Variants in CCDC102B observed in about 807,000 individuals in gnomAD.
The protein encoded by CCDC102B is coiled-coil domain-containing protein 102B.
Under a neutral mutation model 57.4 loss-of-function variants are expected in CCDC102B, and 75 were observed. The ratio of observed to expected loss-of-function variants is 1.31; its 90% CI spans 1.08 to 1.58. The LOEUF is 1.58. Ranked by LOEUF, CCDC102B falls within the 40% of genes most tolerant of loss-of-function variation. CCDC102B has a pLI of 0.00. For synonymous variants in CCDC102B, 206 were observed against 201.9 expected (o/e 1.02, Z -0.17); for missense variants, 636 against 582.6 (o/e 1.09, Z -0.94).
At chr18:69,018,901 A>T (rs1365327317) in intron 7 of CCDC102B, among the ~76,000 whole-genome samples, 1 of 152,050 alleles carries the variant, frequency 6.6e-6, no homozygotes, top group African/African-American at 2.4e-5. Context: ...TTCAGATCTC[A>T]TTTCTAAGTC....
chr18:68,838,876 T>C lies in CCDC102B; in HGVS notation c.777T>C (p.Ala259=). The C allele has an allele frequency of 6.2e-7, 1 of 1,613,934 alleles. No homozygotes were observed. The highest frequency in any genetic ancestry group is 1.1e-5 in the South Asian group (1 of 91,070). ...PLENEVTEIS[A]LQVHLDEFQK... is the part of the protein sequence containing the mutation. ...AAAATGAAGTAACTGAAATTTCAGC[T>C]TTGCAGGTGCATTTGGATGAATTCC... Residue 259 remains alanine (A), a synonymous_variant, in exon 3 of 8, where the codon GCT becomes GCC. Transcript: ENST00000360242.
intron 2 of CCDC102B, among the ~76,000 whole-genome samples, chr18:68,748,551 G>A (rs1455558344): frequency 6.6e-6 from 1 of 152,092 alleles, no homozygotes; most frequent in African/African-American, 2.4e-5. Flanking sequence ...AGTAGGGATA[G>A]CAACCTCCTC....
intron 7 of CCDC102B, among the ~76,000 whole-genome samples, chr18:69,011,712 A>G (rs949894159): frequency 6.6e-6 from 1 of 151,896 alleles, no homozygotes; most frequent in African/African-American, 2.4e-5. Context: ...ACAGTCTTAA[A>G]TGTCACTGAT....
intron 1 of CCDC102B, among the ~76,000 whole-genome samples, chr18:68,817,420 A>G (rs56131292): frequency 0.43 from 65,721 of 152,058 alleles, 15,511 homozygotes; most frequent in East Asian, 0.86. Context: ...AAAATATGCC[A>G]TCATTTTTTG....
chr18:68,733,067 T>C (rs1599382520), intron 2 of CCDC102B, among the ~76,000 whole-genome samples: 1 of 152,222 alleles, frequency 6.6e-6, no homozygotes, highest in East Asian at 1.9e-4. Flanking sequence ...ACTCAGTTAA[T>C]GATCTTTATG....
At chr18:68,841,900 T>A (rs1185368874) in intron 3 of CCDC102B, among the ~76,000 whole-genome samples, 7 of 151,822 alleles carry the variant, frequency 4.6e-5, no homozygotes, top group African/African-American at 1.7e-4. Context: ...CCTGGCTAAT[T>A]TTTTATTTTT....
chr18:68,810,680 G>GTTTTTTTTTTTTTTTTTTTTTTTTTT (rs61714863), intron 1 of CCDC102B, among the ~76,000 whole-genome samples: 3 of 77,042 alleles, frequency 3.9e-5, no homozygotes, highest in African/African-American at 1.0e-4. Flanking sequence ...TCTTTTCTTT[G>GTTTTTTTTTTTTTTTTTTTTTTTTTT]TTTTTTTTTT....
intron 5 of CCDC102B, among the ~76,000 whole-genome samples, chr18:68,879,527 A>T (rs1331340621): frequency 2.0e-5 from 3 of 152,046 alleles, no homozygotes; most frequent in Admixed American, 6.5e-5. Flanking sequence ...AAGGTTCTCC[A>T]CGTCCCCACC....
At chr18:69,025,110 C>T (rs780837858) in intron 7 of CCDC102B, among the ~76,000 whole-genome samples, 5 of 151,928 alleles carry the variant, frequency 3.3e-5, no homozygotes, top group Non-Finnish European at 7.4e-5. Flanking sequence ...GGTAATCTGG[C>T]TTGCAAAGAA....
At chr18:68,892,218 A>G (rs1210629632) in intron 5 of CCDC102B, among the ~76,000 whole-genome samples, 1 of 152,046 alleles carries the variant, frequency 6.6e-6, no homozygotes, top group Non-Finnish European at 1.5e-5. Context: ...ACCCCTTGCA[A>G]TCTAGAGTGC....
intron 7 of CCDC102B, among the ~76,000 whole-genome samples, chr18:69,038,732 T>A (rs1230793374): frequency 6.6e-6 from 1 of 151,940 alleles, no homozygotes; most frequent in Non-Finnish European, 1.5e-5. Flanking sequence ...GATTTACATA[T>A]TCTATATATT....
intron 1 of CCDC102B, among the ~76,000 whole-genome samples, chr18:68,815,609 A>T (rs1181637247): frequency 6.6e-6 from 1 of 152,004 alleles, no homozygotes; most frequent in Admixed American, 6.6e-5. Context: ...AATGGAACAA[A>T]CTGACCAGGA....
chr18:69,056,632 A>C (rs373725421), downstream of CCDC102B, among the ~76,000 whole-genome samples: 1 of 100,566 alleles, frequency 9.9e-6, no homozygotes, highest in Admixed American at 1.2e-4. Context: ...TTAGATAGAT[A>C]GATAATAGAT....
chr18:68,924,534 G>A (rs2041410206), intron 6 of CCDC102B, among the ~76,000 whole-genome samples: 1 of 151,988 alleles, frequency 6.6e-6, no homozygotes, highest in Admixed American at 6.6e-5. Flanking sequence ...CCAGTCTCAG[G>A]CAGTTCTTTA....
At chr18:68,911,474 C>G (rs531859962) in intron 6 of CCDC102B, among the ~76,000 whole-genome samples, 2 of 150,764 alleles carry the variant, frequency 1.3e-5, no homozygotes, top group Non-Finnish European at 2.9e-5. Flanking sequence ...CAGAAAAGGC[C>G]GGGCGCGGTG....
intron 6 of CCDC102B, among the ~76,000 whole-genome samples, chr18:68,955,555 T>G (rs192382211): frequency 1.8e-4 from 27 of 152,100 alleles, no homozygotes; most frequent in Non-Finnish European, 3.5e-4. Flanking sequence ...TCCATGACAA[T>G]GATTTATACA....
At chr18:68,803,352 A>ATC (rs1370009706) in intron 1 of CCDC102B, among the ~76,000 whole-genome samples, 3 of 152,212 alleles carry the variant, frequency 2.0e-5, no homozygotes, top group African/African-American at 7.2e-5. Flanking sequence ...AAGCAGTAGA[A>ATC]TCCATACATA....
At chr18:68,927,055 T>G (rs1199694789) in intron 6 of CCDC102B, among the ~76,000 whole-genome samples, 1 of 151,962 alleles carries the variant, frequency 6.6e-6, no homozygotes, top group Non-Finnish European at 1.5e-5. Context: ...AAACTTTGAT[T>G]GTGAATTCTA....
At chr18:68,967,211 C>T (rs916508634) in intron 6 of CCDC102B, among the ~76,000 whole-genome samples, 5 of 152,048 alleles carry the variant, frequency 3.3e-5, no homozygotes, top group Non-Finnish European at 5.9e-5. Flanking sequence ...TATCAACCAT[C>T]GAAGCATATA....
Sources: allele counts gnomAD v4.1 joint callset (sites outside exome capture counted in the v4.1 genomes callset), GRCh38; gene constraint gnomAD v4.1.1; transcripts MANE v1.5; gene names NCBI Gene and HGNC (gene_info 2026-07-23, HGNC 2026-07-21).